Variants in SORCS1 observed in about 807,000 individuals in gnomAD.
SORCS1 encodes the protein VPS10 domain-containing receptor SorCS1.
A neutral mutation model predicts 146.1 loss-of-function variants in SORCS1; 60 were observed. The ratio of observed to expected loss-of-function variants is 0.41; its 90% CI spans 0.33 to 0.51. The LOEUF (loss-of-function observed/expected upper bound fraction) is 0.51. SORCS1 is among the 20% of genes least tolerant of loss of function. The pLI is 0.21. For missense variants in SORCS1, 1,352 were observed against 1,487.6 expected (o/e 0.91, Z 1.50); for synonymous variants, 637 against 584.0 (o/e 1.09, Z -1.31).
chr10:106,730,114 C>T lies in SORCS1; in HGVS notation c.960G>A (p.Trp320Ter), dbSNP rs773703545. 1 of 1,613,976 alleles carries T rather than the reference C, an allele frequency of 6.2e-7. No individual in the cohort carries two copies. The highest frequency in any genetic ancestry group is 8.5e-7 in the Non-Finnish European group (1 of 1,179,958). ...QEGVVPNRFYWSVMGSNKEPD... is the reference protein window; with the variant it reads ...QEGVVPNRFY ...GTTCTTTATTTGACCCCATCACAGA[C>T]CTAAAAAATGGAGAAACATGAAAAG... Residue 320 changes from tryptophan to a stop codon, truncating the protein, a stop_gained and splice_region_variant, in exon 6 of 26, where the codon TGG becomes TGA. Transcript: ENST00000263054. LOFTEE classifies it high-confidence loss of function.
chr10:106,763,229 C>A (rs1242091427), intron 4 of SORCS1, among the ~76,000 whole-genome samples: 1 of 152,086 alleles, frequency 6.6e-6, no homozygotes, highest in African/African-American at 2.4e-5. Flanking sequence ...TATGGCTATA[C>A]CAAAGGATTG....
chr10:106,823,612 ATGCC>A (rs1948159746), intron 3 of SORCS1, among the ~76,000 whole-genome samples: 1 of 152,212 alleles, frequency 6.6e-6, no homozygotes, highest in African/African-American at 2.4e-5. Flanking sequence ...AAGGCACTTT[ATGCC>A]ATCTAGGTCC....
chr10:107,093,070 G>A (rs994570179), intron 1 of SORCS1, among the ~76,000 whole-genome samples: 18 of 152,144 alleles, frequency 1.2e-4, no homozygotes, highest in African/African-American at 4.3e-4. Flanking sequence ...TGCAGCTTAT[G>A]CTTTAGTGGA....
chr10:106,928,108 C>T (rs540122195), intron 2 of SORCS1, among the ~76,000 whole-genome samples: 1 of 152,390 alleles, frequency 6.6e-6, no homozygotes, highest in South Asian at 2.1e-4. Flanking sequence ...TGCACCCGCA[C>T]TCCTCAGCCC....
At chr10:106,647,866 A>G (rs1158729239) in intron 18 of SORCS1, among the ~76,000 whole-genome samples, 2 of 152,108 alleles carry the variant, frequency 1.3e-5, no homozygotes, top group South Asian at 4.2e-4. Flanking sequence ...CCGTTTTTTA[A>G]TTTTAATTTT....
chr10:106,836,330 C>T (rs1948783692), intron 2 of SORCS1, among the ~76,000 whole-genome samples: 1 of 151,816 alleles, frequency 6.6e-6, no homozygotes, highest in Non-Finnish European at 1.5e-5. Flanking sequence ...AAAAATTAGC[C>T]GGGCATGGTG....
chr10:106,780,831 A>G (rs899010318), intron 3 of SORCS1, among the ~76,000 whole-genome samples: 6 of 152,224 alleles, frequency 3.9e-5, no homozygotes, highest in Admixed American at 3.9e-4. Context: ...TAGAAAGTCA[A>G]TAATGGCAAC....
intron 16 of SORCS1, among the ~76,000 whole-genome samples, chr10:106,669,219 A>G (rs1400401097): frequency 6.6e-6 from 1 of 151,042 alleles, no homozygotes; most frequent in African/African-American, 2.5e-5. Flanking sequence ...TTCATTCTGG[A>G]CTAGCTTACA....
Position 106,966,227 on chromosome 10 carries a change from C to T in SORCS1, c.559-9647G>A, listed in dbSNP as rs1206045880. On this transcript the variant is annotated intron_variant, in intron 1 of 25. Coordinates refer to ENST00000263054, the MANE Select transcript of SORCS1 (RefSeq NM_052918.5). ...ATAATGGCTAAGCTGGATCAAGGTGCTCCAGAGGAGAGTTGAAAGGGTGAT... is the reference window on the plus strand; with the variant it reads ...ATAATGGCTAAGCTGGATCAAGGTGTTCCAGAGGAGAGTTGAAAGGGTGAT... 6.6e-5 allele frequency among the ~76,000 whole-genome samples: 10 copies of T among 152,258 alleles called. No homozygotes were observed. The East Asian group carries it at 1.2e-3, about 18-fold the overall frequency.
At chr10:106,948,982 T>C (rs1344361635) in intron 2 of SORCS1, among the ~76,000 whole-genome samples, 1 of 151,906 alleles carries the variant, frequency 6.6e-6, no homozygotes, top group Non-Finnish European at 1.5e-5. Context: ...AGAATTTTAA[T>C]TGTGTAAGTT....
intron 5 of SORCS1, 132 bp from the exon 6 acceptor site, chr10:106,730,246 A>G (rs1311835765): frequency 1.4e-6 from 1 of 707,266 alleles, no homozygotes; most frequent in African/African-American, 1.8e-5. Context: ...GAATATATCT[A>G]CTCTATGTAT....
At chr10:106,756,344 ATTTG>A (rs922134247) in intron 5 of SORCS1, among the ~76,000 whole-genome samples, 11 of 152,316 alleles carry the variant, frequency 7.2e-5, no homozygotes, top group South Asian at 2.1e-4. Flanking sequence ...GAAGCATCTC[ATTTG>A]ATGAAGTAGG....
At chr10:106,749,670 T>C (rs972469525) in intron 5 of SORCS1, among the ~76,000 whole-genome samples, 1 of 152,236 alleles carries the variant, frequency 6.6e-6, no homozygotes, top group Non-Finnish European at 1.5e-5. Context: ...AAAATTCCCA[T>C]TGAAAATATA....
intron 10 of SORCS1, among the ~76,000 whole-genome samples, chr10:106,685,458 A>G (rs926674772): frequency 6.6e-6 from 1 of 152,216 alleles, no homozygotes; most frequent in Admixed American, 6.5e-5. Context: ...AGGACCATGA[A>G]GAAAAAAAGA....
At chr10:106,657,415 A>G (rs1366824401) in intron 17 of SORCS1, among the ~76,000 whole-genome samples, 1 of 152,138 alleles carries the variant, frequency 6.6e-6, no homozygotes, top group Non-Finnish European at 1.5e-5. Context: ...TGGGTACACA[A>G]AGGCATAGAG....
chr10:106,764,338 T>C (rs954472666), intron 4 of SORCS1, among the ~76,000 whole-genome samples: 1 of 152,210 alleles, frequency 6.6e-6, no homozygotes, highest in Admixed American at 6.5e-5. Flanking sequence ...AACGTGTTAA[T>C]TAAACCTACA....
chr10:106,769,484 C>CAAAAAAA (rs61628916), intron 4 of SORCS1, among the ~76,000 whole-genome samples: 7 of 84,356 alleles, frequency 8.3e-5, no homozygotes, highest in East Asian at 8.5e-4. Context: ...GACTCCGTCT[C>CAAAAAAA]AAAAAAAAAA....
intron 5 of SORCS1, among the ~76,000 whole-genome samples, chr10:106,751,813 C>A (rs532025377): frequency 6.6e-6 from 1 of 152,104 alleles, no homozygotes; most frequent in Non-Finnish European, 1.5e-5. Context: ...ATGTGTAAAT[C>A]TGATGAATTT....
At chr10:107,082,201 C>T (rs560834363) in intron 1 of SORCS1, among the ~76,000 whole-genome samples, 1 of 152,346 alleles carries the variant, frequency 6.6e-6, no homozygotes, top group South Asian at 2.1e-4. Flanking sequence ...GGTTTCCCAC[C>T]TGTCAGAACA....
Sources: allele counts gnomAD v4.1 joint callset (sites outside exome capture counted in the v4.1 genomes callset), GRCh38; gene constraint gnomAD v4.1.1; transcripts MANE v1.5; gene names NCBI Gene and HGNC (gene_info 2026-07-23, HGNC 2026-07-21).